LHFPL3: variants seen among roughly 807,000 people sequenced by gnomAD.
LHFPL3 encodes the protein LHFPL tetraspan subfamily member 3 protein.
Under a neutral mutation model 19.3 loss-of-function variants are expected in LHFPL3, and 5 were observed. That is an observed-to-expected ratio of 0.26 (90% CI 0.14 to 0.54). The LOEUF is 0.54. Among genes scored for constraint, LHFPL3 ranks in the 20% least tolerant of loss-of-function variants. The pLI, the probability that LHFPL3 is intolerant of heterozygous loss-of-function variation, is 0.94. For synonymous variants in LHFPL3, 133 were observed against 126.2 expected (o/e 1.05, Z -0.36); for missense variants, 249 against 307.4 (o/e 0.81, Z 1.42).
chr7:104,784,096 G>A (rs10224222), intron 2 of LHFPL3, among the ~76,000 whole-genome samples: 2,755 of 152,288 alleles, frequency 0.018, 78 homozygotes, highest in African/African-American at 0.062. Flanking sequence ...TGCATAGAGA[G>A]CTATGACTAT....
At chr7:104,598,871 A>G (rs1328465081) in intron 1 of LHFPL3, among the ~76,000 whole-genome samples, 1 of 152,250 alleles carries the variant, frequency 6.6e-6, no homozygotes, top group African/African-American at 2.4e-5. Flanking sequence ...TTGTATTGAC[A>G]GGGTTAAATT....
chr7:104,554,821 G>A (rs2115921287), intron 1 of LHFPL3, among the ~76,000 whole-genome samples: 1 of 152,310 alleles, frequency 6.6e-6, no homozygotes, highest in Non-Finnish European at 1.5e-5. Context: ...CAAAGCCTCA[G>A]AACCAGAGGA....
In LHFPL3 at chr7:104,582,758, A is replaced by G. The variant is rs2115573792; in HGVS notation, c.446-153917A>G. 2.0e-5 allele frequency among the ~76,000 whole-genome samples: 3 copies of G among 151,266 alleles called. No homozygotes were observed. In the Middle Eastern group the frequency reaches 0.01, roughly 515 times the overall value. On this transcript the variant is annotated intron_variant, in intron 1 of 2. Transcript: ENST00000424859. ...ATAAATTACACTAATTTTAAATGTT[A>G]AGCCTATGTTGCATTCCTGGAAAAA...
intron 1 of LHFPL3, among the ~76,000 whole-genome samples, chr7:104,490,879 G>A (rs566159846): frequency 4.5e-4 from 68 of 151,692 alleles, no homozygotes; most frequent in Non-Finnish European, 6.8e-4. Flanking sequence ...TCTTTTTTTC[G>A]TAAAGCCTTT....
intron 1 of LHFPL3, among the ~76,000 whole-genome samples, chr7:104,408,864 C>CTTTCTTTTTT (rs1791475665): frequency 1.9e-5 from 2 of 105,436 alleles, no homozygotes; most frequent in African/African-American, 3.7e-5. Flanking sequence ...AATTTTCTTT[C>CTTTCTTTTTT]TTTTTTTTTT....
At chr7:104,505,693 G>A (rs1040145971) in intron 1 of LHFPL3, among the ~76,000 whole-genome samples, 2 of 152,168 alleles carry the variant, frequency 1.3e-5, no homozygotes, top group Non-Finnish European at 2.9e-5. Context: ...ATGAATGAAT[G>A]ACTATAGTAG....
intron 1 of LHFPL3, among the ~76,000 whole-genome samples, chr7:104,451,846 G>A (rs144325888): frequency 3.1e-4 from 47 of 152,156 alleles, no homozygotes; most frequent in African/African-American, 9.9e-4. Context: ...CAGGGTTTAA[G>A]CGATTCTTCT....
chr7:104,607,887 G>GA (rs976243247), intron 1 of LHFPL3, among the ~76,000 whole-genome samples: 11 of 150,702 alleles, frequency 7.3e-5, no homozygotes, highest in East Asian at 1.9e-4. Flanking sequence ...AAAAACACAT[G>GA]AAAAAAAAAT....
At chr7:104,511,946 T>TTC (rs1793822735) in intron 1 of LHFPL3, among the ~76,000 whole-genome samples, 2 of 139,312 alleles carry the variant, frequency 1.4e-5, no homozygotes, top group African/African-American at 5.3e-5. Flanking sequence ...TTCCTTTTCT[T>TTC]TTTTTTTTTT....
chr7:104,844,994 C>A (rs1045862951), intron 2 of LHFPL3, among the ~76,000 whole-genome samples: 1 of 152,256 alleles, frequency 6.6e-6, no homozygotes, highest in African/African-American at 2.4e-5. Flanking sequence ...CCTGCCTTAG[C>A]CTCCCAAAGT....
chr7:104,893,819 G>T lies in LHFPL3; in HGVS notation c.683-12368G>T, dbSNP rs551059761. ...ATGCAAAAATTAGCCAGGCATGGTG[G>T]CATACCCCTGTAATCCCAGCTACTC... is the stretch of plus-strand genomic sequence containing the variant. On this transcript the variant is annotated intron_variant, in intron 2 of 2. Coordinates refer to ENST00000424859, the MANE Select transcript of LHFPL3 (RefSeq NM_199000.3). Among the ~76,000 whole-genome samples, 25 of 152,046 alleles carry T rather than the reference G, an allele frequency of 1.6e-4. No homozygotes were observed. In the South Asian group the frequency reaches 4.8e-3, roughly 29 times the overall value.
At chr7:104,669,353 G>A in intron 1 of LHFPL3, 2 of 1,613,588 alleles carry the variant, frequency 1.2e-6, no homozygotes, top group Non-Finnish European at 1.7e-6. Context: ...GTCCCAAAAG[G>A]CCAAACTGGG....
intron 1 of LHFPL3, among the ~76,000 whole-genome samples, chr7:104,612,709 T>C (rs547679549): frequency 6.6e-6 from 1 of 152,352 alleles, no homozygotes; most frequent in African/African-American, 2.4e-5. Context: ...TGATTAATCA[T>C]GTAATTGTGG....
intron 2 of LHFPL3, among the ~76,000 whole-genome samples, chr7:104,899,702 T>C (rs1792445069): frequency 6.6e-6 from 1 of 152,168 alleles, no homozygotes; most frequent in Non-Finnish European, 1.5e-5. Flanking sequence ...GTCACTAAAG[T>C]AGGGACAGAA....
At chr7:104,473,175 A>C (rs1792944060) in intron 1 of LHFPL3, among the ~76,000 whole-genome samples, 1 of 152,226 alleles carries the variant, frequency 6.6e-6, no homozygotes, top group Non-Finnish European at 1.5e-5. Flanking sequence ...AATGGTGAGA[A>C]CAGCTACCAG....
chr7:104,719,308 T>C (rs866152529), intron 1 of LHFPL3, among the ~76,000 whole-genome samples: 4 of 152,218 alleles, frequency 2.6e-5, no homozygotes, highest in East Asian at 3.9e-4. Context: ...TTGAAAGGAA[T>C]ATATACCTTT....
At chr7:104,573,982 T>C (rs1275275067) in intron 1 of LHFPL3, among the ~76,000 whole-genome samples, 2 of 152,190 alleles carry the variant, frequency 1.3e-5, no homozygotes, top group East Asian at 1.9e-4. Context: ...AGTGGAATGA[T>C]TGACATTTGG....
intron 1 of LHFPL3, chr7:104,669,084 T>G: frequency 6.2e-7 from 1 of 1,612,410 alleles, no homozygotes; most frequent in Non-Finnish European, 8.5e-7. Context: ...CTCTAGAAAA[T>G]GAAACACTCA....
chr7:104,875,836 G>A (rs1791928600), intron 2 of LHFPL3, among the ~76,000 whole-genome samples: 2 of 152,152 alleles, frequency 1.3e-5, no homozygotes, highest in African/African-American at 4.8e-5. Flanking sequence ...TAGAGATGAA[G>A]GCACACTGTA....
Sources: gnomAD v4.1 joint callset for allele counts (sites outside exome capture counted in the v4.1 genomes callset) on GRCh38, gnomAD v4.1.1 for gene constraint, MANE v1.5 for transcripts, NCBI Gene and HGNC (gene_info 2026-07-23, HGNC 2026-07-21) for gene names.